The following EFHD1 variants were observed in gnomAD, a reference collection of about 807,000 sequenced individuals.
EFHD1 encodes EF-hand domain family member D1.
A neutral mutation model predicts 17.2 loss-of-function variants in EFHD1; 10 were observed. That is an observed-to-expected ratio of 0.58 (90% CI 0.36 to 0.99). The LOEUF is 0.99. Among genes scored for constraint, EFHD1 ranks in the 50% least tolerant of loss-of-function variants. The pLI is 0.01. For missense variants in EFHD1, 310 were observed against 327.5 expected (o/e 0.95, Z 0.41); for synonymous variants, 153 against 142.0 (o/e 1.08, Z -0.55).
At chr2:232,657,957 G>C (rs545337312) in intron 1 of EFHD1, among the ~76,000 whole-genome samples, 1 of 131,156 alleles carries the variant, frequency 7.6e-6, no homozygotes, top group African/African-American at 2.9e-5. Context: ...CTGGAGTGCA[G>C]TGGTGCGATC....
intron 1 of EFHD1, among the ~76,000 whole-genome samples, chr2:232,637,624 G>A (rs1167048931): frequency 3.3e-5 from 5 of 152,216 alleles, no homozygotes; most frequent in South Asian, 4.1e-4. Context: ...GATTACAGGC[G>A]TGAGCCACCG....
intron 1 of EFHD1, among the ~76,000 whole-genome samples, chr2:232,660,010 T>C (rs1398404855): frequency 1.3e-5 from 2 of 152,008 alleles, no homozygotes; most frequent in Non-Finnish European, 2.9e-5. Context: ...GCAGAACCAT[T>C]TGTGAGAAAT....
chr2:232,678,479 T>A (rs945558645), intron 3 of EFHD1, among the ~76,000 whole-genome samples: 1 of 152,092 alleles, frequency 6.6e-6, no homozygotes, highest in East Asian at 1.9e-4. Flanking sequence ...AAACAATGCT[T>A]CTTTAGCACG....
chr2:232,606,298 T>G, intron 1 of EFHD1: 4 of 1,161,406 alleles, frequency 3.4e-6, no homozygotes, highest in Non-Finnish European at 5.1e-6. Context: ...CGGAGGGCAC[T>G]CCCGGCCCTC....
intron 1 of EFHD1, chr2:232,606,552 G>C (rs1350798549): frequency 3.0e-6 from 1 of 335,710 alleles, no homozygotes; most frequent in South Asian, 2.8e-5. Flanking sequence ...GGGGCTGGGG[G>C]ACCCTGAGCA....
intron 1 of EFHD1, among the ~76,000 whole-genome samples, chr2:232,641,714 C>A (rs1236725787): frequency 6.6e-6 from 1 of 152,240 alleles, no homozygotes. Flanking sequence ...GTTAGCCAGC[C>A]CCCATGCTAG....
At chr2:232,660,287 T>C (rs139971969) in intron 1 of EFHD1, among the ~76,000 whole-genome samples, 5,487 of 152,138 alleles carry the variant, frequency 0.036, 129 homozygotes, top group South Asian at 0.11. Context: ...CTCCGCCTCC[T>C]GGGTTCATGC....
intron 3 of EFHD1, among the ~76,000 whole-genome samples, chr2:232,679,236 A>T (rs913638562): frequency 1.3e-5 from 2 of 152,212 alleles, no homozygotes; most frequent in Admixed American, 6.5e-5. Flanking sequence ...GCAGAACGGA[A>T]ATGGTTGATC....
chr2:232,634,033 C>T, intron 1 of EFHD1, 27 bp downstream of exon 1: 1 of 1,595,982 alleles, frequency 6.3e-7, no homozygotes, highest in Non-Finnish European at 8.5e-7. Flanking sequence ...CGCCCTTCGC[C>T]CCCGGGACCA....
chr2:232,616,995 G>T (rs962336848), intron 1 of EFHD1, among the ~76,000 whole-genome samples: 22 of 152,220 alleles, frequency 1.4e-4, no homozygotes, highest in African/African-American at 5.3e-4. Flanking sequence ...CTAGTGAGTA[G>T]GGCTGGAAGG....
At chr2:232,660,035 CA>C (rs1694828177) in intron 1 of EFHD1, among the ~76,000 whole-genome samples, 1 of 152,134 alleles carries the variant, frequency 6.6e-6, no homozygotes, top group Admixed American at 6.5e-5. Flanking sequence ...CCCCATGATC[CA>C]ACCGCCTCCC....
At chr2:232,678,779 G>A (rs1322889271) in intron 3 of EFHD1, among the ~76,000 whole-genome samples, 1 of 152,120 alleles carries the variant, frequency 6.6e-6, no homozygotes, top group Non-Finnish European at 1.5e-5. Flanking sequence ...GCCAAACTCT[G>A]CTTCAAACAA....
chr2:232,662,438 G>A (rs1011740593), intron 1 of EFHD1, among the ~76,000 whole-genome samples: 2 of 152,164 alleles, frequency 1.3e-5, no homozygotes, highest in Non-Finnish European at 2.9e-5. Context: ...GGCGTCAGGG[G>A]CCAGCTCCTG....
At chr2:232,617,432 G>A (rs1246576116) in intron 1 of EFHD1, among the ~76,000 whole-genome samples, 5 of 146,242 alleles carry the variant, frequency 3.4e-5, no homozygotes, top group African/African-American at 5.1e-5. Flanking sequence ...GGTGGATCAC[G>A]AGGTCAGGAG....
chr2:232,668,596 C>G (rs529163559), intron 2 of EFHD1, among the ~76,000 whole-genome samples: 4 of 152,226 alleles, frequency 2.6e-5, no homozygotes, highest in Non-Finnish European at 5.9e-5. Flanking sequence ...GGGTGGTGCT[C>G]TGTCTTCTCT....
chr2:232,630,569 C>A (rs372299011), upstream of EFHD1, among the ~76,000 whole-genome samples: 1 of 152,078 alleles, frequency 6.6e-6, no homozygotes, highest in Non-Finnish European at 1.5e-5. Context: ...AGTATGCAAG[C>A]GCATTATCTA....
intron 1 of EFHD1, among the ~76,000 whole-genome samples, chr2:232,655,828 T>G (rs1448956554): frequency 7.3e-6 from 1 of 137,098 alleles, no homozygotes; most frequent in Non-Finnish European, 1.5e-5. Context: ...TTTTTTTGAG[T>G]CGGAATCTTG....
Position 232,633,802 on chromosome 2 carries a change from C to T in EFHD1, c.98C>T (p.Ala33Val). Reference protein sequence around the residue: ...GPQLAPLGAPAPEPKPEPEPP... With the variant: ...GPQLAPLGAPVPEPKPEPEPP... Reference sequence around the variant, plus strand: ...CAGCTGGCTCCCCTCGGCGCCCCAGCCCCGGAGCCCAAGCCCGAGCCCGAG... The same window carrying T: ...CAGCTGGCTCCCCTCGGCGCCCCAGTCCCGGAGCCCAAGCCCGAGCCCGAG... Residue 33 changes from alanine to valine, a missense_variant, in exon 1 of 4, where the codon GCC becomes GTC. Transcript: ENST00000264059. The T allele has an allele frequency of 6.9e-7, 1 of 1,459,758 alleles. No individual in the cohort carries two copies. Among genetic ancestry groups the T allele is most frequent in the Non-Finnish European group, 9.0e-7 (1 of 1,114,936 alleles). 90.4% of individuals were successfully genotyped at this position (1,459,758 alleles called of 1,614,324 possible).
chr2:232,647,364 C>T (rs921991728), intron 1 of EFHD1, among the ~76,000 whole-genome samples: 7 of 152,248 alleles, frequency 4.6e-5, no homozygotes, highest in Admixed American at 1.3e-4. Context: ...AGTCCGCTTG[C>T]GTTGGGCTGG....
Sources: allele counts gnomAD v4.1 joint callset (sites outside exome capture counted in the v4.1 genomes callset), GRCh38; gene constraint gnomAD v4.1.1; transcripts MANE v1.5; gene names NCBI Gene and HGNC (gene_info 2026-07-23, HGNC 2026-07-21).